The following SLC30A9 variants were observed in gnomAD, a reference collection of about 807,000 sequenced individuals.
SLC30A9 encodes the protein solute carrier family 30 member 9.
Under a neutral mutation model 87.5 loss-of-function variants are expected in SLC30A9, and 58 were observed. The ratio of observed to expected loss-of-function variants is 0.66; its 90% CI spans 0.54 to 0.82. The LOEUF is 0.82. Ranked by LOEUF, SLC30A9 falls within the 40% of genes least tolerant of loss-of-function variation. The pLI, the probability that SLC30A9 is intolerant of heterozygous loss-of-function variation, is 0.00. For missense variants in SLC30A9, 557 were observed against 679.1 expected (o/e 0.82, Z 2.00); for synonymous variants, 234 against 233.0 (o/e 1.00, Z -0.04).
chr4:41,997,157 CT>C (rs1411885703), intron 1 of SLC30A9, among the ~76,000 whole-genome samples: 11 of 76,434 alleles, frequency 1.4e-4, no homozygotes, highest in Non-Finnish European at 3.4e-4. Context: ...TGTTTCCTAA[CT>C]CAAAAAAAAA....
chr4:41,993,906 CAA>C (rs1714571003), intron 1 of SLC30A9, among the ~76,000 whole-genome samples: 1 of 151,998 alleles, frequency 6.6e-6, no homozygotes, highest in Non-Finnish European at 1.5e-5. Context: ...TCTGTAATCC[CAA>C]CACTTTGGGA....
chr4:42,029,468 A>C, intron 6 of SLC30A9: 1 of 657,840 alleles, frequency 1.5e-6, no homozygotes, highest in Admixed American at 2.0e-5. Context: ...CAGATCCAGC[A>C]GACTGAAATT....
At chr4:42,083,814 G>A (rs1718823796) in intron 17 of SLC30A9, among the ~76,000 whole-genome samples, 1 of 151,972 alleles carries the variant, frequency 6.6e-6, no homozygotes, top group Admixed American at 6.6e-5. Flanking sequence ...CTAGAGACAG[G>A]GAATAGTTTT....
chr4:42,070,398 G>A lies in SLC30A9; in HGVS notation c.1253-128G>A, dbSNP rs1718262421. On this transcript the variant is annotated intron_variant, in intron 14 of 17. Coordinates refer to ENST00000264451, the MANE Select transcript of SLC30A9 (RefSeq NM_006345.4). ...AAACTATTAGGAGTTGTTAAAGGAAGTAATTAAAGAAATTAGGAATAAATT... is the reference window on the plus strand; with the variant it reads ...AAACTATTAGGAGTTGTTAAAGGAAATAATTAAAGAAATTAGGAATAAATT... The A allele has an allele frequency of 7.8e-6, 5 of 643,944 alleles. No individual in the cohort carries two copies. The South Asian group carries it at 1.3e-4, about 17-fold the overall frequency. The allele number at this position is 643,944 out of a possible 1,614,324, so 39.9% of individuals were successfully genotyped here.
intron 2 of SLC30A9, among the ~76,000 whole-genome samples, chr4:42,013,719 C>T (rs568588525): frequency 6.6e-6 from 1 of 152,302 alleles, no homozygotes; most frequent in African/African-American, 2.4e-5. Flanking sequence ...TAGACCCCTT[C>T]TCTCGCCATT....
intron 9 of SLC30A9, among the ~76,000 whole-genome samples, chr4:42,057,875 G>T (rs372645560): frequency 1.3e-5 from 2 of 151,858 alleles, no homozygotes; most frequent in South Asian, 4.2e-4. Flanking sequence ...AGGCTGAGGC[G>T]GGCGGATCAC....
chr4:42,054,353 TCAAAA>T (rs995294612), intron 9 of SLC30A9, among the ~76,000 whole-genome samples: 4 of 152,054 alleles, frequency 2.6e-5, no homozygotes, highest in South Asian at 4.1e-4. Context: ...ACTAGACATC[TCAAAA>T]CAAAAACAAA....
chr4:42,062,928 A>G lies in SLC30A9; in HGVS notation c.897-58A>G, dbSNP rs187967798. On this transcript the variant is annotated intron_variant, in intron 10 of 17. Coordinates refer to ENST00000264451, the MANE Select transcript of SLC30A9 (RefSeq NM_006345.4). ...TTTTTCATTGACCTATTAAGCACATATATTTTAAAAGAAACCATTTGTATT... is the reference window on the plus strand; with the variant it reads ...TTTTTCATTGACCTATTAAGCACATGTATTTTAAAAGAAACCATTTGTATT... 3.3e-5 allele frequency: 49 copies of G among 1,462,872 alleles called. No homozygotes were observed. The African/African-American group carries it at 4.9e-4, about 15-fold the overall frequency. The allele number at this position is 1,462,872 out of a possible 1,614,324, so 90.6% of individuals were successfully genotyped here.
chr4:42,082,492 G>C (rs1042622293), intron 17 of SLC30A9, among the ~76,000 whole-genome samples: 1 of 152,160 alleles, frequency 6.6e-6, no homozygotes, highest in African/African-American at 2.4e-5. Context: ...TGTACCAGTG[G>C]AGTCATCTCT....
chr4:42,079,099 G>A (rs1718664176), intron 17 of SLC30A9, among the ~76,000 whole-genome samples: 1 of 152,018 alleles, frequency 6.6e-6, no homozygotes, highest in African/African-American at 2.4e-5. Context: ...AGCTTTATCT[G>A]ACATAATTTT....
chr4:42,011,623 C>G (rs1405873644), intron 2 of SLC30A9, among the ~76,000 whole-genome samples: 4 of 152,130 alleles, frequency 2.6e-5, no homozygotes, highest in African/African-American at 4.8e-5. Context: ...TCTAAAATTT[C>G]AAAATACATG....
intron 9 of SLC30A9, among the ~76,000 whole-genome samples, chr4:42,055,588 A>G (rs550917560): frequency 6.6e-6 from 1 of 152,274 alleles, no homozygotes; most frequent in South Asian, 2.1e-4. Flanking sequence ...GGGTTTCACC[A>G]TGTTAGCCTT....
At chr4:42,019,287 A>G (rs2153135138) in intron 3 of SLC30A9, among the ~76,000 whole-genome samples, 1 of 152,250 alleles carries the variant, frequency 6.6e-6, no homozygotes, top group Non-Finnish European at 1.5e-5. Context: ...CACTTCAGGT[A>G]TTTGCTTATT....
At chr4:42,050,440 A>G (rs1717339870) in intron 9 of SLC30A9, among the ~76,000 whole-genome samples, 1 of 152,234 alleles carries the variant, frequency 6.6e-6, no homozygotes, top group Non-Finnish European at 1.5e-5. Flanking sequence ...AAGTTGAAAT[A>G]CAGAAATATT....
chr4:42,064,738 G>A (rs1718014417), intron 11 of SLC30A9, among the ~76,000 whole-genome samples: 1 of 152,118 alleles, frequency 6.6e-6, no homozygotes. Flanking sequence ...AACTAAATGG[G>A]TTTCCATTAG....
At chr4:42,061,814 C>T (rs566124167) in intron 10 of SLC30A9, among the ~76,000 whole-genome samples, 7 of 152,028 alleles carry the variant, frequency 4.6e-5, no homozygotes, top group South Asian at 2.1e-4. Context: ...GCAGGAGAGT[C>T]GCTTGAACTC....
intron 11 of SLC30A9, 42 bp from the exon 12 acceptor site, chr4:42,065,268 G>T: frequency 1.0e-6 from 1 of 963,950 alleles, no homozygotes. Flanking sequence ...ATTGTGATTG[G>T]AAGTACTTAA....
At chr4:42,046,033 C>T (rs186762288) in intron 8 of SLC30A9, among the ~76,000 whole-genome samples, 37 of 152,212 alleles carry the variant, frequency 2.4e-4, no homozygotes, top group African/African-American at 6.7e-4. Flanking sequence ...AATTCAACAC[C>T]GCCTCATGCT....
At chr4:42,062,915 C>T in intron 10 of SLC30A9, 71 bp from the exon 11 acceptor site, 3 of 1,263,316 alleles carry the variant, frequency 2.4e-6, no homozygotes, top group Non-Finnish European at 3.3e-6. Flanking sequence ...TTTCATTGAC[C>T]TATTAAGCAC....
Sources: gnomAD v4.1 joint callset for allele counts (sites outside exome capture counted in the v4.1 genomes callset) on GRCh38, gnomAD v4.1.1 for gene constraint, MANE v1.5 for transcripts, NCBI Gene and HGNC (gene_info 2026-07-23, HGNC 2026-07-21) for gene names.